The following CKS1B variants were observed in gnomAD, a reference collection of about 807,000 sequenced individuals.
CKS1B encodes the protein CDC28 protein kinase regulatory subunit 1B.
In CKS1B, 5 loss-of-function variants were observed where a neutral mutation model predicts 12.2. That is an observed-to-expected ratio of 0.41 (90% CI 0.21 to 0.86). The LOEUF (loss-of-function observed/expected upper bound fraction) is 0.86. Among genes scored for constraint, CKS1B ranks in the 40% least tolerant of loss-of-function variants. CKS1B has a pLI of 0.32. For missense variants in CKS1B, 53 were observed against 99.9 expected, an observed-to-expected ratio of 0.53 and a Z score of 2.00; for synonymous variants, 24 against 34.4, an observed-to-expected ratio of 0.70 and a Z score of 1.06.
intron 1 of CKS1B, among the ~76,000 whole-genome samples, chr1:154,977,048 G>T (rs1444943778): frequency 6.6e-6 from 1 of 152,108 alleles, no homozygotes; most frequent in Non-Finnish European, 1.5e-5. Context: ...TAAGAGACAA[G>T]GTCTTGCTTT....
intron 1 of CKS1B, 72 bp downstream of exon 1, chr1:154,974,876 A>T: frequency 1.2e-6 from 2 of 1,614,080 alleles, no homozygotes; most frequent in South Asian, 1.1e-5. Context: ...AATTAGTAAC[A>T]GGAACTGAGG....
intron 1 of CKS1B, chr1:154,975,050 GT>G: frequency 1.1e-6 from 1 of 950,964 alleles, no homozygotes; most frequent in South Asian, 1.3e-5. Flanking sequence ...CGTGGTTAGG[GT>G]ACTGACCACC....
intron 1 of CKS1B, chr1:154,975,035 G>T (rs1657116698): frequency 1.7e-6 from 2 of 1,157,866 alleles, no homozygotes; most frequent in Non-Finnish European, 2.6e-6. Flanking sequence ...GGAGAGAGGG[G>T]TGGGCGTGGT....
chr1:154,974,865 G>T, intron 1 of CKS1B, 61 bp downstream of exon 1: 1 of 1,614,066 alleles, frequency 6.2e-7, no homozygotes, highest in Non-Finnish European at 8.5e-7. Flanking sequence ...AGGGCACAAG[G>T]AATTAGTAAC....
At chr1:154,977,923 C>T (rs1657229018) in intron 1 of CKS1B, 64 bp from the exon 2 acceptor site, 3 of 1,467,288 alleles carry the variant, frequency 2.0e-6, no homozygotes, top group Non-Finnish European at 2.7e-6. Flanking sequence ...TGTAAACAGG[C>T]ATTTGTCTAA....
rs942514505 is a variant in CKS1B at position 154,978,854 on chromosome 1, A to G, written c.*77A>G. 2 of 867,086 alleles carry G rather than the reference A, an allele frequency of 2.3e-6. No individual in the cohort carries two copies. Among genetic ancestry groups the G allele is most frequent in the African/African-American group, 3.4e-5 (2 of 59,534 alleles). 53.7% of individuals were successfully genotyped at this position (867,086 alleles called of 1,614,324 possible). A position where few individuals can be genotyped will look rare whatever the true frequency, so the allele number is the denominator to read the frequency against. ...CTAACATCTTTCTGATAACATTATT[A>G]TGTTGCCTTCTTGTTTCTCACTTTG... On this transcript the variant is annotated 3_prime_UTR_variant, in exon 3 of 3. Coordinates refer to ENST00000308987, the MANE Select transcript of CKS1B (RefSeq NM_001826.3).
intron 2 of CKS1B, 140 bp downstream of exon 2, chr1:154,978,254 A>T: frequency 1.1e-6 from 1 of 949,502 alleles, no homozygotes; most frequent in Non-Finnish European, 1.5e-6. Context: ...TTTTTTTAAA[A>T]AAAAACTAGT....
chr1:154,976,448 C>T (rs192484594), intron 1 of CKS1B, among the ~76,000 whole-genome samples: 1 of 152,326 alleles, frequency 6.6e-6, no homozygotes, highest in East Asian at 1.9e-4. Flanking sequence ...TTTCTTGTGT[C>T]TCTTCACCCA....
intron 1 of CKS1B, 164 bp downstream of exon 1, chr1:154,974,968 T>G (rs187677062): frequency 6.2e-7 from 1 of 1,602,790 alleles, no homozygotes; most frequent in Admixed American, 1.7e-5. Flanking sequence ...TGCGCGGAGG[T>G]GGGAGGCGCT....
At chr1:154,975,110 C>G (rs1187615603) in intron 1 of CKS1B, 2 of 640,932 alleles carry the variant, frequency 3.1e-6, no homozygotes, top group Admixed American at 5.1e-5. Flanking sequence ...ATCGGGCAAA[C>G]TTAACTTGCC....
At position 154,978,866 on chromosome 1, in the gene CKS1B, T is replaced by G. The variant is rs534704150; in HGVS notation, c.*89T>G. ...TGATAACATTATTATGTTGCCTTCT[T>G]GTTTCTCACTTTGATATTTAAAAGA... On this transcript the variant is annotated 3_prime_UTR_variant, in exon 3 of 3. Coordinates refer to ENST00000308987, the MANE Select transcript of CKS1B (RefSeq NM_001826.3). 5.0e-5 allele frequency: 40 copies of G among 804,078 alleles called. No individual in the cohort carries two copies. In the African/African-American group the frequency reaches 5.1e-4, roughly 10 times the overall value. The allele number at this position is 804,078 out of a possible 1,614,324, so 49.8% of individuals were successfully genotyped here. A position where few individuals can be genotyped will look rare whatever the true frequency, so the allele number is the denominator to read the frequency against.
Position 154,976,103 on chromosome 1 carries a change from CG to C in CKS1B, c.59+1301del, listed in dbSNP as rs1657176662. Among the ~76,000 whole-genome samples the C allele has an allele frequency of 2.6e-5, 4 of 152,100 alleles. No homozygotes were observed. The South Asian group carries it at 8.3e-4, about 32-fold the overall frequency. ...AAACTTAAAATACTGAGAGGAAAAACGGAAGAGGGAATGTTGGGGAAAGCTT... is the reference window on the plus strand; with the variant it reads ...AAACTTAAAATACTGAGAGGAAAAACGAAGAGGGAATGTTGGGGAAAGCTT... On this transcript the variant is annotated intron_variant, in intron 1 of 2. Coordinates refer to ENST00000308987, the MANE Select transcript of CKS1B (RefSeq NM_001826.3).
In CKS1B at chr1:154,978,783, G is replaced by A. The variant is rs1395377980; in HGVS notation, c.*6G>A. ...CCAAGAAACCAAAGAAATGAAGCTG[G>A]CAAGCTACTTTTCAGCCTCAAGCTT... On this transcript the variant is annotated 3_prime_UTR_variant, in exon 3 of 3. Coordinates refer to ENST00000308987, the MANE Select transcript of CKS1B (RefSeq NM_001826.3). 2 of 1,576,758 alleles carry A rather than the reference G, an allele frequency of 1.3e-6. No homozygotes were observed. The highest frequency in any genetic ancestry group is 1.7e-6 in the Non-Finnish European group (2 of 1,146,798).
intron 1 of CKS1B, chr1:154,977,328 T>C (rs895941468): frequency 2.0e-5 from 3 of 152,180 alleles, no homozygotes; most frequent in East Asian, 1.9e-4. Flanking sequence ...TTGGTCAGGC[T>C]GGTCTCCAAC....
intron 1 of CKS1B, among the ~76,000 whole-genome samples, chr1:154,975,324 CTG>C (rs1485540403): frequency 6.6e-6 from 1 of 152,158 alleles, no homozygotes; most frequent in African/African-American, 2.4e-5. Flanking sequence ...TGGAATAAAA[CTG>C]GCTAGGAGCA....
chr1:154,978,412 C>A, intron 2 of CKS1B: 1 of 541,524 alleles, frequency 1.8e-6, no homozygotes. Context: ...CCATCGAAAA[C>A]ATTCTTGGAT....
At chr1:154,978,337 C>A in intron 2 of CKS1B, 1 of 556,504 alleles carries the variant, frequency 1.8e-6, no homozygotes, top group Non-Finnish European at 3.1e-6. Context: ...TGTAATCTTT[C>A]ATTCAATCAG....
At chr1:154,976,929 A>G (rs1657201947) in intron 1 of CKS1B, among the ~76,000 whole-genome samples, 1 of 152,182 alleles carries the variant, frequency 6.6e-6, no homozygotes, top group African/African-American at 2.4e-5. Flanking sequence ...TTTGCTATGA[A>G]GGGAGACTTA....
intron 1 of CKS1B, 30 bp downstream of exon 1, chr1:154,974,834 GGT>G (rs1383621860): frequency 6.2e-7 from 1 of 1,613,976 alleles, no homozygotes; most frequent in African/African-American, 1.3e-5. Flanking sequence ...CAATAGCGAG[GGT>G]CGTGAGCTTT....
Sources: allele counts gnomAD v4.1 joint callset (sites outside exome capture counted in the v4.1 genomes callset), GRCh38; gene constraint gnomAD v4.1.1; transcripts MANE v1.5; gene names NCBI Gene and HGNC (gene_info 2026-07-23, HGNC 2026-07-21).